Variants in ARHGAP32 observed in about 807,000 individuals in gnomAD.
ARHGAP32 encodes the protein Rho GTPase activating protein 32, also known as rho GTPase-activating protein 32.
ARHGAP32 carries 51 observed loss-of-function variants against 186.5 expected under a neutral mutation model. The observed-to-expected ratio is 0.27, with a 90% CI of 0.22 to 0.35. ARHGAP32 has a LOEUF of 0.35. ARHGAP32 is among the 10% of genes least tolerant of loss of function. ARHGAP32 has a pLI of 1.00. For missense variants in ARHGAP32, 2,186 were observed against 2,623.5 expected (o/e 0.83, Z 3.64); for synonymous variants, 950 against 964.3 (o/e 0.99, Z 0.27).
intron 6 of ARHGAP32, among the ~76,000 whole-genome samples, chr11:129,070,957 C>T (rs1427359555): frequency 6.6e-6 from 1 of 151,968 alleles, no homozygotes; most frequent in African/African-American, 2.4e-5. Context: ...TTTTTGCCAA[C>T]CTTTCTACTG....
At position 129,164,424 on chromosome 11, in the gene ARHGAP32, C is replaced by A. The variant is rs1239870229; in HGVS notation, c.120G>T (p.Lys40Asn). 4.6e-6 allele frequency: 7 copies of A among 1,519,162 alleles called. No individual in the cohort carries two copies. The highest frequency in any genetic ancestry group is 6.2e-6 in the Non-Finnish European group (7 of 1,121,524). 94.1% of individuals were successfully genotyped at this position (1,519,162 alleles called of 1,614,324 possible). A position where few individuals can be genotyped will look rare whatever the true frequency, so the allele number is the denominator to read the frequency against. ...CTTCAGAATGTACTGAGGACTTCAT[C>A]TTCCTAGAGATCAAAACACGAAAGA... ...EEEEREEKFR[K>N]MKSSVHSEED... The change falls in exon 2 of 23, where the codon AAG becomes AAT. Residue 40 changes from lysine (K) to asparagine (N), a missense_variant. Coordinates refer to ENST00000682385, the MANE Select transcript of ARHGAP32 (RefSeq NM_001378024.1).
At chr11:129,164,916 T>C (rs80354790) in intron 1 of ARHGAP32, among the ~76,000 whole-genome samples, 2,748 of 152,274 alleles carry the variant, frequency 0.018, 34 homozygotes, top group Non-Finnish European at 0.03. Flanking sequence ...ACAGCTTGTC[T>C]GAAGGCAACA....
chr11:129,123,600 T>G lies in ARHGAP32; in HGVS notation c.360-70A>C. ...AAAATTACTAAGTTTAAGGGAAAAA[T>G]ACAGTGGATTTAAGAGCTCATGCAA... On this transcript the variant is annotated intron_variant, in intron 4 of 22. Transcript: ENST00000682385. The surrounding 1 kb of genome is among the most constrained non-coding windows in gnomAD (Gnocchi z 4.6). 2.1e-6 allele frequency: 3 copies of G among 1,409,400 alleles called. No homozygotes were observed. Among genetic ancestry groups the G allele is most frequent in the Non-Finnish European group, 3.0e-6 (3 of 1,008,784 alleles). The allele number at this position is 1,409,400 out of a possible 1,614,324, so 87.3% of individuals were successfully genotyped here.
At chr11:129,249,785 G>GT (rs750316954) in intron 1 of ARHGAP32, among the ~76,000 whole-genome samples, 2 of 151,952 alleles carry the variant, frequency 1.3e-5, no homozygotes, top group East Asian at 1.9e-4. Context: ...AAAGTTTTGG[G>GT]TTTTTTTAAT....
At chr11:129,145,487 A>G (rs1161079204) in intron 2 of ARHGAP32, among the ~76,000 whole-genome samples, 2 of 148,642 alleles carry the variant, frequency 1.3e-5, no homozygotes, top group East Asian at 3.9e-4. Context: ...ACCTAGAAGA[A>G]CCATTGTCCC....
chr11:129,233,570 T>C (rs531511826), intron 1 of ARHGAP32, among the ~76,000 whole-genome samples: 2 of 151,418 alleles, frequency 1.3e-5, no homozygotes, highest in African/African-American at 2.4e-5. Flanking sequence ...CATGCACACA[T>C]GCACAACTGA....
intron 2 of ARHGAP32, among the ~76,000 whole-genome samples, chr11:129,139,653 G>A (rs7939997): frequency 0.18 from 27,199 of 151,776 alleles, 2,601 homozygotes; most frequent in Non-Finnish European, 0.21. Flanking sequence ...GAGTTCTCCC[G>A]CACAAGCTCT....
intron 6 of ARHGAP32, among the ~76,000 whole-genome samples, chr11:129,073,661 C>A (rs79741311): frequency 0.03 from 4,540 of 150,818 alleles, 127 homozygotes; most frequent in Non-Finnish European, 0.047. Flanking sequence ...GGAGCAAAAC[C>A]AATATTTCTA....
At chr11:129,185,718 A>G (rs1397693484) in intron 1 of ARHGAP32, among the ~76,000 whole-genome samples, 1 of 152,186 alleles carries the variant, frequency 6.6e-6, no homozygotes, top group African/African-American at 2.4e-5. Context: ...GAAGTATGAG[A>G]CTGAGAGAAG....
intron 10 of ARHGAP32, among the ~76,000 whole-genome samples, chr11:129,059,916 T>TA (rs1235597348): frequency 1.3e-5 from 2 of 152,220 alleles, no homozygotes; most frequent in African/African-American, 4.8e-5. Flanking sequence ...TCCATGGAGA[T>TA]ACGATTGCCT....
rs1008317445 is a variant in ARHGAP32, at chr11:129,183,174, C to G, written c.116+8909G>C. ...ACGTGGGTATATTTTCTAGGATTTC[C>G]ATTCTACCCCATAATACTTCTCTTC... On this transcript the variant is annotated intron_variant, in intron 1 of 22. Transcript: ENST00000682385. Among the ~76,000 whole-genome samples, 4 of 151,996 alleles carry G rather than the reference C, an allele frequency of 2.6e-5. 1 individual carries two copies. Among genetic ancestry groups the G allele is most frequent in the Admixed American group, 2.6e-4 (4 of 15,242 alleles).
intron 10 of ARHGAP32, among the ~76,000 whole-genome samples, chr11:129,055,587 T>C (rs1940217381): frequency 6.6e-6 from 1 of 152,194 alleles, no homozygotes; most frequent in Non-Finnish European, 1.5e-5. Context: ...TGACACTGAA[T>C]ATTAGATAGT....
At chr11:129,165,932 G>A (rs1056201699) in intron 1 of ARHGAP32, among the ~76,000 whole-genome samples, 11 of 151,854 alleles carry the variant, frequency 7.2e-5, no homozygotes, top group African/African-American at 2.7e-4. Context: ...GAATACATAA[G>A]AAGAATTTAG....
chr11:128,968,520 TG>T lies in ARHGAP32; in HGVS notation c.*386del, dbSNP rs1473320555. The T allele has an allele frequency of 6.4e-6, 1 of 155,722 alleles. No individual in the cohort carries two copies. The highest frequency in any genetic ancestry group is 1.4e-5 in the Non-Finnish European group (1 of 70,632). The allele number at this position is 155,722 out of a possible 1,614,324, so 9.6% of individuals were successfully genotyped here. ...ATGCAGACGCCTACCAGGAAATCGA[TG>T]TGAACTGCTCTCAATTATGCAGCAA... On this transcript the variant is annotated 3_prime_UTR_variant, in exon 23 of 23. Transcript: ENST00000682385.
intron 5 of ARHGAP32, among the ~76,000 whole-genome samples, chr11:129,111,151 T>C (rs1942201333): frequency 6.6e-6 from 1 of 152,154 alleles, no homozygotes; most frequent in Non-Finnish European, 1.5e-5. Context: ...GTTGAATCTC[T>C]CAATTTTTTT....
chr11:129,169,378 T>C (rs1013912039), intron 1 of ARHGAP32, among the ~76,000 whole-genome samples: 2 of 152,172 alleles, frequency 1.3e-5, no homozygotes, highest in African/African-American at 4.8e-5. Context: ...AAGGCTGTAA[T>C]CCCAGCACTT....
chr11:129,220,278 A>T (rs913404382), intron 1 of ARHGAP32, among the ~76,000 whole-genome samples: 1 of 152,172 alleles, frequency 6.6e-6, no homozygotes, highest in African/African-American at 2.4e-5. Context: ...AAAAAAGATA[A>T]ATCAACACAG....
chr11:128,996,444 T>C (rs1352160648), intron 12 of ARHGAP32, among the ~76,000 whole-genome samples: 2 of 152,114 alleles, frequency 1.3e-5, no homozygotes, highest in East Asian at 3.8e-4. Flanking sequence ...AGTATATATA[T>C]ATTTAAGTCA....
chr11:129,235,589 G>A (rs1944918397), intron 1 of ARHGAP32, among the ~76,000 whole-genome samples: 1 of 152,076 alleles, frequency 6.6e-6, no homozygotes, highest in Admixed American at 6.6e-5. Context: ...AGAGAAAACA[G>A]GTGGCGCTTG....
Sources: gnomAD v4.1 joint callset for allele counts (sites outside exome capture counted in the v4.1 genomes callset) on GRCh38, gnomAD v4.1.1 for gene constraint, Gnocchi (gnomAD v3.1) non-coding constraint, MANE v1.5 for transcripts, NCBI Gene and HGNC (gene_info 2026-07-23, HGNC 2026-07-21) for gene names.